PCDHGA9: variants seen among roughly 807,000 people sequenced by gnomAD.
PCDHGA9 encodes the protein protocadherin gamma-A9.
A neutral mutation model predicts 62.5 loss-of-function variants in PCDHGA9; 37 were observed. The ratio of observed to expected loss-of-function variants is 0.59; its 90% confidence interval spans 0.46 to 0.78. PCDHGA9 has a LOEUF of 0.78. Ranked by LOEUF, PCDHGA9 falls within the 30% of genes least tolerant of loss-of-function variation. PCDHGA9 has a pLI of 0.00. For synonymous variants in PCDHGA9, 459 were observed against 484.6 expected (o/e 0.95, Z 0.69); for missense variants, 1,138 against 1,166.2 (o/e 0.98, Z 0.35).
In PCDHGA9 at chr5:141,511,308, G is replaced by A. The variant is rs76613492; in HGVS notation, c.*135G>A. ...AGGGGCCAAGGCCATGCTCCCCTTG[G>A]GAAACAGAAACAAGTGCCCAGTCAG... is the stretch of plus-strand genomic sequence containing the variant. On this transcript the variant is annotated 3_prime_UTR_variant, in exon 4 of 4. Coordinates refer to ENST00000573521, the MANE Select transcript of PCDHGA9 (RefSeq NM_018921.3). 1.1e-3 allele frequency: 1,589 copies of A among 1,487,716 alleles called. 16 individuals carry two copies. In the African/African-American group the frequency reaches 0.021, roughly 19 times the overall value. The allele number at this position is 1,487,716 out of a possible 1,614,324, so 92.2% of individuals were successfully genotyped here.
chr5:141,506,645 A>G (rs1229614297), intron 3 of PCDHGA9, among the ~76,000 whole-genome samples: 3 of 152,188 alleles, frequency 2.0e-5, no homozygotes, highest in African/African-American at 7.2e-5. Context: ...CCCTCAGCAC[A>G]GGATTGGCAG....
Position 141,432,093 on chromosome 5 carries a change from C to G in PCDHGA9, c.2424+26717C>G. On this transcript the variant is annotated intron_variant, in intron 1 of 3. Coordinates refer to ENST00000573521, the MANE Select transcript of PCDHGA9 (RefSeq NM_018921.3). This position sits in a 1 kb window ranked among gnomAD's most constrained non-coding sequence, Gnocchi z 6.0. ...CATATCTCGCTGAACGTGGCAGACA[C>G]CAACGACAACCCGCCGGTCTTCCCT... 1 of 1,614,170 alleles carries G rather than the reference C, an allele frequency of 6.2e-7. No individual in the cohort carries two copies. The highest frequency in any genetic ancestry group is 8.5e-7 in the Non-Finnish European group (1 of 1,180,046).
chr5:141,409,907 C>T (rs1370065492), intron 1 of PCDHGA9: 1 of 1,613,294 alleles, frequency 6.2e-7, no homozygotes, highest in East Asian at 2.2e-5. Flanking sequence ...AGCTCTGGGT[C>T]CTGACGGCTC....
chr5:141,409,942 C>G, intron 1 of PCDHGA9: 2 of 1,613,284 alleles, frequency 1.2e-6, no homozygotes, highest in Non-Finnish European at 1.7e-6. Context: ...TGGTACCTCG[C>G]TCTGCAGAGC....
At chr5:141,451,807 G>A (rs896081470) in intron 1 of PCDHGA9, among the ~76,000 whole-genome samples, 5 of 150,778 alleles carry the variant, frequency 3.3e-5, no homozygotes, top group African/African-American at 1.2e-4. Flanking sequence ...CTTGAACCCA[G>A]GAGGCGGAGG....
intron 1 of PCDHGA9, among the ~76,000 whole-genome samples, chr5:141,407,816 ATAT>A (rs1270765996): frequency 6.6e-6 from 1 of 152,228 alleles, no homozygotes; most frequent in Non-Finnish European, 1.5e-5. Context: ...ATCTACTATA[ATAT>A]TATGGTGAGA....
intron 1 of PCDHGA9, chr5:141,408,732 A>AT: frequency 2.5e-6 from 4 of 1,610,016 alleles, no homozygotes; most frequent in Non-Finnish European, 3.4e-6. Context: ...TCTAATCCTT[A>AT]TTTTTCATTA....
At chr5:141,414,244 T>A in intron 1 of PCDHGA9, 1 of 1,613,526 alleles carries the variant, frequency 6.2e-7, no homozygotes, top group Admixed American at 1.7e-5. Context: ...CACGTCTCTA[T>A]TTAGTCCAGT....
Position 141,489,322 on chromosome 5 carries a change from T to C in PCDHGA9, c.2425-5485T>C. The C allele has an allele frequency of 6.2e-7, 1 of 1,601,052 alleles. No individual in the cohort carries two copies. Among genetic ancestry groups the C allele is most frequent in the Non-Finnish European group, 8.5e-7 (1 of 1,172,658 alleles). ...GTCCTTGTGCTGCTGGGGCTGGGTGTCTGGGCAGCTTCGTTACTCAGTGGT... is the reference window on the plus strand; with the variant it reads ...GTCCTTGTGCTGCTGGGGCTGGGTGCCTGGGCAGCTTCGTTACTCAGTGGT... On this transcript the variant is annotated intron_variant, in intron 1 of 3. Coordinates refer to ENST00000573521, the MANE Select transcript of PCDHGA9 (RefSeq NM_018921.3). The surrounding 1 kb of genome is among the most constrained non-coding windows in gnomAD (Gnocchi z 4.5).
intron 1 of PCDHGA9, among the ~76,000 whole-genome samples, chr5:141,407,761 G>T (rs938743690): frequency 6.6e-6 from 1 of 152,132 alleles, no homozygotes; most frequent in Non-Finnish European, 1.5e-5. Context: ...GTATAAGTTT[G>T]AAATTGTGCA....
chr5:141,483,099 C>T (rs10068400), intron 1 of PCDHGA9, among the ~76,000 whole-genome samples: 3,098 of 152,014 alleles, frequency 0.02, 87 homozygotes, highest in African/African-American at 0.065. Flanking sequence ...AAAAAGTGTG[C>T]GTGTAAAACA....
rs777058727 is a variant in PCDHGA9 at position 141,431,947 on chromosome 5, A to G, written c.2424+26571A>G. 6 of 1,614,052 alleles carry G rather than the reference A, an allele frequency of 3.7e-6. No homozygotes were observed. The highest frequency in any genetic ancestry group is 2.2e-5 in the East Asian group (1 of 44,894). ...GAAATCTGCCCTTTAAATTAGAAAAATCTTACGGAAATTACTATAGTTTAG... is the reference window on the plus strand; with the variant it reads ...GAAATCTGCCCTTTAAATTAGAAAAGTCTTACGGAAATTACTATAGTTTAG... On this transcript the variant is annotated intron_variant, in intron 1 of 3. Transcript: ENST00000573521. This position sits in a 1 kb window ranked among gnomAD's most constrained non-coding sequence, Gnocchi z 4.8.
intron 1 of PCDHGA9, chr5:141,423,720 A>T: frequency 3.1e-6 from 3 of 957,770 alleles, no homozygotes; most frequent in Admixed American, 5.5e-5. Context: ...TTTTAAGGAG[A>T]TGTTTTTTGA....
rs1237860716 is a variant in PCDHGA9, at chr5:141,404,498, G to A, written c.1546G>A (p.Ala516Thr). The A allele has an allele frequency of 6.2e-7, 1 of 1,613,878 alleles. No individual in the cohort carries two copies. The highest frequency in any genetic ancestry group is 2.2e-5 in the East Asian group (1 of 44,896). The change falls in exon 1 of 4, where the codon GCT becomes ACT. Residue 516 changes from alanine to threonine, a missense_variant. Ala to Thr is a moderately conservative substitution (Grantham distance 58). Coordinates refer to ENST00000573521, the MANE Select transcript of PCDHGA9 (RefSeq NM_018921.3). ...TAACTCAGACACTGGTGTGCTGTAT[G>A]CTCTGTGCTCCTTTGACTATGAGCA... ...SINSDTGVLY[A>T]LCSFDYEQFR... is the part of the protein sequence containing the mutation.
At chr5:141,461,821 T>A (rs569091880) in intron 1 of PCDHGA9, among the ~76,000 whole-genome samples, 1 of 151,286 alleles carries the variant, frequency 6.6e-6, no homozygotes, top group South Asian at 2.1e-4. Context: ...ACCCAGCTAA[T>A]TTTTTTTTCT....
chr5:141,425,962 C>T (rs2096906059), intron 1 of PCDHGA9, among the ~76,000 whole-genome samples: 2 of 152,236 alleles, frequency 1.3e-5, no homozygotes, highest in African/African-American at 2.4e-5. Flanking sequence ...TAGTCCAACA[C>T]ATCAGTCTAA....
chr5:141,434,906 C>A lies in PCDHGA9; in HGVS notation c.2424+29530C>A, dbSNP rs1044434492. ...AACAATCCAGTCCCCTTCCCTCATA[C>A]CTTATTTATGTACATATATTTTATA... On this transcript the variant is annotated intron_variant, in intron 1 of 3. Coordinates refer to ENST00000573521, the MANE Select transcript of PCDHGA9 (RefSeq NM_018921.3). Among the ~76,000 whole-genome samples the A allele has an allele frequency of 2.0e-5, 3 of 151,752 alleles. No individual in the cohort carries two copies. In the South Asian group the frequency reaches 6.2e-4, roughly 32 times the overall value.
intron 1 of PCDHGA9, among the ~76,000 whole-genome samples, chr5:141,456,059 G>A (rs1200043527): frequency 1.3e-5 from 2 of 151,662 alleles, no homozygotes; most frequent in Non-Finnish European, 1.5e-5. Flanking sequence ...CACCACGTCC[G>A]GCTAATTTTT....
At chr5:141,423,618 C>T (rs2096760725) in intron 1 of PCDHGA9, 2 of 1,608,284 alleles carry the variant, frequency 1.2e-6, no homozygotes, top group East Asian at 2.2e-5. Flanking sequence ...TAGCTGAAGA[C>T]TCAGCTATCA....
Sources: gnomAD v4.1 joint callset for allele counts (sites outside exome capture counted in the v4.1 genomes callset) on GRCh38, gnomAD v4.1.1 for gene constraint, Gnocchi (gnomAD v3.1) non-coding constraint, MANE v1.5 for transcripts, NCBI Gene and HGNC (gene_info 2026-07-23, HGNC 2026-07-21) for gene names.